The following ANO3 variants were observed in gnomAD, a reference collection of about 807,000 sequenced individuals.
ANO3 encodes anoctamin-3.
A neutral mutation model predicts 144.8 loss-of-function variants in ANO3; 99 were observed. That is an observed-to-expected ratio of 0.68 (90% CI 0.58 to 0.81). The LOEUF (loss-of-function observed/expected upper bound fraction) is 0.81. ANO3 is among the 30% of genes least tolerant of loss of function. The pLI is 0.00. For missense variants in ANO3, 905 were observed against 1,202.2 expected, an observed-to-expected ratio of 0.75 and a Z score of 3.66; for synonymous variants, 414 against 392.6, an observed-to-expected ratio of 1.05 and a Z score of -0.64.
chr11:26,405,319 G>A (rs1369830433), intron 1 of ANO3, among the ~76,000 whole-genome samples: 1 of 151,712 alleles, frequency 6.6e-6, no homozygotes. Context: ...TTTCTTGTGA[G>A]CTTCCATTCT....
intron 1 of ANO3, among the ~76,000 whole-genome samples, chr11:26,394,887 C>G (rs1856968981): frequency 6.6e-6 from 1 of 151,936 alleles, no homozygotes; most frequent in Non-Finnish European, 1.5e-5. Flanking sequence ...TGAATGCACA[C>G]AAAAAATTGA....
chr11:26,603,362 C>G (rs1011049815), intron 17 of ANO3, among the ~76,000 whole-genome samples: 1 of 151,884 alleles, frequency 6.6e-6, no homozygotes, highest in African/African-American at 2.4e-5. Context: ...AGCTTATATT[C>G]TATTCAACTC....
intron 14 of ANO3, among the ~76,000 whole-genome samples, chr11:26,564,730 CACATATATATATATATATATATAT>C (rs1277101703): frequency 1.2e-3 from 30 of 24,008 alleles, no homozygotes; most frequent in African/African-American, 3.4e-3. Context: ...CACACACACA[CACATATATATATATATATATATAT>C]ATATATATAT....
At chr11:26,268,917 A>G (rs1853375659) in intron 1 of ANO3, among the ~76,000 whole-genome samples, 1 of 151,660 alleles carries the variant, frequency 6.6e-6, no homozygotes, top group Non-Finnish European at 1.5e-5. Flanking sequence ...CACCTCAAGG[A>G]AAAAAAAATC....
chr11:26,421,748 T>C (rs1565015048), intron 1 of ANO3, among the ~76,000 whole-genome samples: 1 of 152,126 alleles, frequency 6.6e-6, no homozygotes, highest in South Asian at 2.1e-4. Context: ...ATATATACCA[T>C]GGAATACCAT....
rs183937282 is a variant in ANO3 at position 26,544,384 on chromosome 11, G to A, written c.1154+2316G>A. 7.3e-5 allele frequency among the ~76,000 whole-genome samples: 11 copies of A among 149,918 alleles called. No homozygotes were observed. In the East Asian group the frequency reaches 2.2e-3, roughly 30 times the overall value. On this transcript the variant is annotated intron_variant, in intron 11 of 26. Transcript: ENST00000256737. ...CTCCTGTATGGGTAGAATCTAAAAA[G>A]GTTGAACTCATAGAAGCAGAGGGTA...
chr11:26,189,534 A>C (rs1851435758), intron 1 of ANO3, among the ~76,000 whole-genome samples: 1 of 152,236 alleles, frequency 6.6e-6, no homozygotes, highest in East Asian at 1.9e-4. Flanking sequence ...TTTTGTGCAT[A>C]GAATTAAATG....
intron 1 of ANO3, among the ~76,000 whole-genome samples, chr11:26,289,712 T>G (rs1019847506): frequency 7.3e-6 from 1 of 137,800 alleles, no homozygotes; most frequent in Non-Finnish European, 1.5e-5. Context: ...ATATATATTC[T>G]ATATGTGTAT....
chr11:26,247,726 C>CTTTTTT (rs532538445), intron 1 of ANO3, among the ~76,000 whole-genome samples: 2,109 of 104,128 alleles, frequency 0.02, 131 homozygotes, highest in East Asian at 0.059. Context: ...GCTCCAGTCA[C>CTTTTTT]TTTTTTTTTT....
intron 1 of ANO3, among the ~76,000 whole-genome samples, chr11:26,271,513 A>T (rs911725529): frequency 1.3e-5 from 2 of 152,224 alleles, no homozygotes; most frequent in Non-Finnish European, 2.9e-5. Flanking sequence ...GACAACATCT[A>T]TTTAACTGTG....
At position 26,446,157 on chromosome 11, in the gene ANO3, C is replaced by T. The variant is rs113214012; in HGVS notation, c.313+2321C>T. 6.6e-3 allele frequency among the ~76,000 whole-genome samples: 998 copies of T among 152,222 alleles called. 6 individuals are homozygous for T. Among genetic ancestry groups the T allele is most frequent in the Non-Finnish European group, 9.5e-3 (644 of 68,002 alleles). On this transcript the variant is annotated intron_variant, in intron 3 of 26. Transcript: ENST00000256737. ...GTTTTAATTGCCTTTGAAAAGAAGA[C>T]GCCCGGCCTAATATGACTGTTTTAA...
chr11:26,246,561 A>G (rs901182031), intron 1 of ANO3, among the ~76,000 whole-genome samples: 1 of 148,188 alleles, frequency 6.7e-6, no homozygotes, highest in Non-Finnish European at 1.5e-5. Context: ...TCTTTTGCTT[A>G]ATTTTCTTTT....
At chr11:26,452,450 C>A (rs1028562079) in intron 3 of ANO3, among the ~76,000 whole-genome samples, 4 of 151,966 alleles carry the variant, frequency 2.6e-5, no homozygotes, top group Non-Finnish European at 5.9e-5. Flanking sequence ...CCTCAGGAGC[C>A]GATGCGATCA....
At chr11:26,379,634 GA>G (rs200990432) in intron 1 of ANO3, among the ~76,000 whole-genome samples, 11 of 149,906 alleles carry the variant, frequency 7.3e-5, no homozygotes, top group African/African-American at 1.5e-4. Context: ...ATGCAAAAAA[GA>G]AAAAAAAATG....
chr11:26,388,016 T>C (rs1012478502), intron 1 of ANO3, among the ~76,000 whole-genome samples: 1 of 137,638 alleles, frequency 7.3e-6, no homozygotes, highest in Non-Finnish European at 1.5e-5. Context: ...TTTATTCTTC[T>C]TTAATTTTTT....
chr11:26,636,341 G>T (rs61445768), intron 20 of ANO3, among the ~76,000 whole-genome samples: 1 of 152,110 alleles, frequency 6.6e-6, no homozygotes, highest in Non-Finnish European at 1.5e-5. Context: ...GTTTGTTTTA[G>T]GATATTTGTG....
chr11:26,316,631 C>T (rs1854632112), intron 1 of ANO3, among the ~76,000 whole-genome samples: 2 of 152,090 alleles, frequency 1.3e-5, no homozygotes, highest in Admixed American at 1.3e-4. Flanking sequence ...TGTCTTAACC[C>T]TAAAGAGACC....
intron 1 of ANO3, among the ~76,000 whole-genome samples, chr11:26,431,192 A>G (rs1376964409): frequency 6.6e-6 from 1 of 152,216 alleles, no homozygotes. Flanking sequence ...ACTGGGCAGT[A>G]TAGTGCTAGC....
At chr11:26,625,691 G>A (rs954048085) in intron 18 of ANO3, among the ~76,000 whole-genome samples, 2 of 151,998 alleles carry the variant, frequency 1.3e-5, no homozygotes, top group East Asian at 1.9e-4. Context: ...GACACATCAA[G>A]TATTATACAA....
Sources: gnomAD v4.1 joint callset for allele counts (sites outside exome capture counted in the v4.1 genomes callset) on GRCh38, gnomAD v4.1.1 for gene constraint, MANE v1.5 for transcripts, NCBI Gene and HGNC (gene_info 2026-07-23, HGNC 2026-07-21) for gene names.